EXD2: variants seen among roughly 807,000 people sequenced by gnomAD.
EXD2 encodes exonuclease 3'-5' domain-containing protein 2.
A neutral mutation model predicts 62.5 loss-of-function variants in EXD2; 40 were observed. The observed-to-expected ratio is 0.64, with a 90% CI of 0.50 to 0.83. EXD2 has a LOEUF of 0.83. EXD2 is among the 40% of genes least tolerant of loss of function. The probability of loss-of-function intolerance (pLI) is 0.00; values close to 1 mark genes in which losing one functional copy is unlikely to be tolerated. For missense variants in EXD2, 671 were observed against 761.8 expected (o/e 0.88, Z 1.40); for synonymous variants, 239 against 291.9 (o/e 0.82, Z 1.85).
chr14:69,191,903 C>G (rs1260094371), intron 1 of EXD2: 1 of 152,292 alleles, frequency 6.6e-6, no homozygotes, highest in Non-Finnish European at 1.5e-5. Flanking sequence ...TACCCTCTCC[C>G]TGGGAGACTC....
At chr14:69,225,983 T>C (rs1246978751) in intron 3 of EXD2, among the ~76,000 whole-genome samples, 1 of 152,210 alleles carries the variant, frequency 6.6e-6, no homozygotes, top group East Asian at 1.9e-4. Flanking sequence ...ATTTATCTAG[T>C]TATTTATTTA....
At chr14:69,234,449 G>C (rs2043697433) in intron 5 of EXD2, among the ~76,000 whole-genome samples, 1 of 152,154 alleles carries the variant, frequency 6.6e-6, no homozygotes, top group African/African-American at 2.4e-5. Flanking sequence ...CCAGCATTTA[G>C]AGTAAGTCAT....
At chr14:69,230,186 G>A (rs992191149) in intron 4 of EXD2, among the ~76,000 whole-genome samples, 75 of 152,140 alleles carry the variant, frequency 4.9e-4, no homozygotes, top group Non-Finnish European at 1.0e-3. Context: ...CCAGCTGTAT[G>A]ACCTTTGGCA....
At chr14:69,217,061 T>C (rs1046654489) in intron 3 of EXD2, among the ~76,000 whole-genome samples, 1 of 152,112 alleles carries the variant, frequency 6.6e-6, no homozygotes, top group African/African-American at 2.4e-5. Context: ...ATCAACTCTT[T>C]TATTTTTTAG....
chr14:69,231,786 G>A (rs1244665227), intron 5 of EXD2, among the ~76,000 whole-genome samples: 5 of 150,930 alleles, frequency 3.3e-5, no homozygotes, highest in South Asian at 2.1e-4. Flanking sequence ...CCATCAGCCT[G>A]GAATTCCCTT....
In EXD2 at chr14:69,241,977, C is replaced by T; in HGVS notation, c.*877C>T. ...GAATCAGTATCAGTTCCCCTGTATT[C>T]TGTGCTTCATCGAATTTGCAAGACT... On this transcript the variant is annotated 3_prime_UTR_variant, in exon 10 of 10. Coordinates refer to ENST00000685843, the MANE Select transcript of EXD2 (RefSeq NM_001193360.2). 2.5e-6 allele frequency: 1 copy of T among 398,618 alleles called. No homozygotes were observed. The highest frequency in any genetic ancestry group is 3.6e-5 in the East Asian group (1 of 28,076). The allele number at this position is 398,618 out of a possible 1,614,324, so 24.7% of individuals were successfully genotyped here.
At position 69,218,852 on chromosome 14, in the gene EXD2, G is replaced by A. The variant is rs145722321; in HGVS notation, c.333+9049G>A. ...GTATTATTTTTGAGCGCTCTGTTCC[G>A]TTCCAGTGGTCTATATCTCTGTTTT... On this transcript the variant is annotated intron_variant, in intron 3 of 9. Transcript: ENST00000685843. Among the ~76,000 whole-genome samples the A allele has an allele frequency of 4.7e-3, 719 of 152,218 alleles. 1 individual carries two copies. The highest frequency in any genetic ancestry group is 0.014 in the African/African-American group (585 of 41,512).
intron 9 of EXD2, 119 bp downstream of exon 9, chr14:69,238,050 CCTAGTAGGTGT>C: frequency 1.2e-6 from 1 of 824,956 alleles, no homozygotes; most frequent in Non-Finnish European, 1.9e-6. Context: ...TCATGCTTCA[CCTAGTAGGTGT>C]CTAGTAGTTT....
At chr14:69,229,471 C>A (rs1451533399) in intron 4 of EXD2, among the ~76,000 whole-genome samples, 4 of 152,184 alleles carry the variant, frequency 2.6e-5, no homozygotes. Flanking sequence ...TACACTGAGT[C>A]TACAGTTCTA....
chr14:69,222,964 T>C (rs2043235676), intron 3 of EXD2, among the ~76,000 whole-genome samples: 1 of 152,190 alleles, frequency 6.6e-6, no homozygotes, highest in Non-Finnish European at 1.5e-5. Flanking sequence ...AAAGCTGCCA[T>C]ATAGTTCAAA....
intron 3 of EXD2, chr14:69,210,013 A>G (rs902612567): frequency 1.2e-5 from 5 of 426,308 alleles, no homozygotes; most frequent in Non-Finnish European, 2.1e-5. Context: ...CAATTATGTC[A>G]AACCTATATG....
rs1324575818 is a variant in EXD2 at position 69,236,388 on chromosome 14, T to A, written c.1157-19T>A. Reference sequence around the variant, plus strand: ...GGGGGCAGGGGGAGCAGTCAAACACTGATGTCTCTTCTCTTAAGAGCTGGT... The same window carrying A: ...GGGGGCAGGGGGAGCAGTCAAACACAGATGTCTCTTCTCTTAAGAGCTGGT... On this transcript the variant is annotated intron_variant, in intron 7 of 9. Coordinates refer to ENST00000685843, the MANE Select transcript of EXD2 (RefSeq NM_001193360.2). The A allele has an allele frequency of 6.2e-7, 1 of 1,614,042 alleles. No individual in the cohort carries two copies. Among genetic ancestry groups the A allele is most frequent in the Non-Finnish European group, 8.5e-7 (1 of 1,179,992 alleles).
intron 3 of EXD2, 122 bp from the exon 4 acceptor site, chr14:69,228,694 C>A: frequency 7.7e-7 from 1 of 1,303,714 alleles, no homozygotes; most frequent in Non-Finnish European, 1.0e-6. Flanking sequence ...AAACCAAAAC[C>A]TGGTCAGATG....
intron 2 of EXD2, among the ~76,000 whole-genome samples, chr14:69,207,224 T>G (rs1485972384): frequency 6.6e-6 from 1 of 152,144 alleles, no homozygotes; most frequent in African/African-American, 2.4e-5. Flanking sequence ...CCCAGTGCAG[T>G]GGCTCACACC....
chr14:69,215,628 A>C (rs562953754), intron 3 of EXD2, among the ~76,000 whole-genome samples: 17 of 152,298 alleles, frequency 1.1e-4, no homozygotes, highest in Non-Finnish European at 1.8e-4. Flanking sequence ...TTTGTTTTAC[A>C]TCCTTGTCCA....
intron 1 of EXD2, among the ~76,000 whole-genome samples, chr14:69,202,743 T>TTTG: frequency 6.6e-6 from 1 of 152,234 alleles, no homozygotes. Context: ...GTTTTTTATG[T>TTTG]AAAATTATGT....
At chr14:69,213,067 T>C (rs2042867534) in intron 3 of EXD2, among the ~76,000 whole-genome samples, 1 of 149,914 alleles carries the variant, frequency 6.7e-6, no homozygotes, top group African/African-American at 2.4e-5. Flanking sequence ...TTTACCTTCC[T>C]GTATTCTTCT....
rs370062451 is a variant in EXD2 at position 69,221,959 on chromosome 14, G to T, written c.334-6857G>T. On this transcript the variant is annotated intron_variant, in intron 3 of 9. Transcript: ENST00000685843. ...AAAAATTAGCCAGGCGTGGTGGTGC[G>T]CACCTGTAATCCCAGCTACTCGGGA... Among the ~76,000 whole-genome samples, 1,371 of 146,308 alleles carry T rather than the reference G, an allele frequency of 9.4e-3. 24 individuals are homozygous for T. The highest frequency in any genetic ancestry group is 0.033 in the African/African-American group (1,313 of 39,916).
At chr14:69,226,695 C>T (rs914891178) in intron 3 of EXD2, among the ~76,000 whole-genome samples, 49 of 151,736 alleles carry the variant, frequency 3.2e-4, no homozygotes, top group Admixed American at 3.2e-3. Context: ...TTGCAGTGAG[C>T]TGAGATTGCA....
Sources: gnomAD v4.1 joint callset for allele counts (sites outside exome capture counted in the v4.1 genomes callset) on GRCh38, gnomAD v4.1.1 for gene constraint, MANE v1.5 for transcripts, NCBI Gene and HGNC (gene_info 2026-07-23, HGNC 2026-07-21) for gene names.